RHOBTB2: variants seen among roughly 807,000 people sequenced by gnomAD.
The protein encoded by RHOBTB2 is rho-related BTB domain-containing protein 2.
Under a neutral mutation model 66.5 loss-of-function variants are expected in RHOBTB2, and 39 were observed. The ratio of observed to expected loss-of-function variants is 0.59; its 90% CI spans 0.45 to 0.77. The LOEUF is 0.77. Among genes scored for constraint, RHOBTB2 ranks in the 30% least tolerant of loss-of-function variants. RHOBTB2 has a pLI of 0.00. For synonymous variants in RHOBTB2, 390 were observed against 395.0 expected, an observed-to-expected ratio of 0.99 and a Z score of 0.15; for missense variants, 755 against 999.1, an observed-to-expected ratio of 0.76 and a Z score of 3.29.
Position 23,016,069 on chromosome 8 carries a change from A to G in RHOBTB2, c.1966+326A>G, listed in dbSNP as rs554421111. 3.3e-5 allele frequency among the ~76,000 whole-genome samples: 5 copies of G among 152,360 alleles called. No individual in the cohort carries two copies. In the South Asian group the frequency reaches 8.3e-4, roughly 25 times the overall value. ...ACCCAGGACACATATAGGAAAATAT[A>G]TACATCTTTCTAATGCTGCTCATGG... On this transcript the variant is annotated intron_variant, in intron 9 of 9. Transcript: ENST00000251822.
chr8:23,007,391 G>A lies in RHOBTB2; in HGVS notation c.1146G>A (p.Arg382=), dbSNP rs758143293. The change falls in exon 5 of 10, where the codon AGG becomes AGA. Residue 382 remains arginine, a synonymous_variant. Coordinates refer to ENST00000251822, the MANE Select transcript of RHOBTB2 (RefSeq NM_015178.3). ...ACGGAACAGGGTACCTACCGGGCAGGGGTCGTGTGCTGTCTTCCTGGAGCC... is the reference window on the plus strand; with the variant it reads ...ACGGAACAGGGTACCTACCGGGCAGAGGTCGTGTGCTGTCTTCCTGGAGCC... ...RGNGTGYLPG[R]GRVLSSWSRA... is the part of the protein sequence containing the mutation. 11 of 1,614,038 alleles carry A rather than the reference G, an allele frequency of 6.8e-6. No homozygotes were observed. In the South Asian group the frequency reaches 1.1e-4, roughly 16 times the overall value.
chr8:22,968,620 T>G, the RHOBTB2 span, among the ~76,000 whole-genome samples: 9 of 151,986 alleles, frequency 5.9e-5, no homozygotes, highest in Non-Finnish European at 5.9e-5. Flanking sequence ...TTAATAGTTT[T>G]CCTGTAAAGC....
At chr8:22,962,520 T>C in the RHOBTB2 span, among the ~76,000 whole-genome samples, 8 of 152,208 alleles carry the variant, frequency 5.3e-5, no homozygotes, top group Admixed American at 5.2e-4. Context: ...TTTTACTTTA[T>C]GGGAGAAAGC....
chr8:22,979,934 T>C, the RHOBTB2 span, among the ~76,000 whole-genome samples: 1 of 151,610 alleles, frequency 6.6e-6, no homozygotes, highest in East Asian at 1.9e-4. Flanking sequence ...ATTTTTATAT[T>C]TTTTTAGTAG....
chr8:22,975,371 G>T, the RHOBTB2 span, among the ~76,000 whole-genome samples: 1 of 152,172 alleles, frequency 6.6e-6, no homozygotes, highest in African/African-American at 2.4e-5. Flanking sequence ...TTTGGTGGGA[G>T]TTTGTCACAC....
chr8:23,008,750 G>C (rs1811046706), intron 6 of RHOBTB2, among the ~76,000 whole-genome samples: 1 of 152,132 alleles, frequency 6.6e-6, no homozygotes, highest in Admixed American at 6.5e-5. Flanking sequence ...GGTTGAGCAG[G>C]TTTAGGATTA....
intron 8 of RHOBTB2, 99 bp downstream of exon 8, chr8:23,014,877 A>G: frequency 1.1e-6 from 1 of 939,740 alleles, no homozygotes; most frequent in Admixed American, 2.0e-5. Flanking sequence ...TCTATGCGGG[A>G]GAACCTGTCA....
At chr8:22,995,877 A>T (rs1474223707), upstream of RHOBTB2, 1 of 1,551,548 alleles carries the variant, frequency 6.4e-7, no homozygotes, top group South Asian at 1.2e-5. Flanking sequence ...GTGCCATGAA[A>T]GCGCGGTTAG....
At chr8:22,990,470 C>T (rs1485447282) in intron 1 of RHOBTB2, among the ~76,000 whole-genome samples, 1 of 152,208 alleles carries the variant, frequency 6.6e-6, no homozygotes, top group Admixed American at 6.5e-5. Flanking sequence ...CTCAGTTCTG[C>T]ATCTGTGAAG....
At chr8:22,995,447 T>A (rs891238344), upstream of RHOBTB2, among the ~76,000 whole-genome samples, 3 of 152,172 alleles carry the variant, frequency 2.0e-5, no homozygotes, top group Non-Finnish European at 4.4e-5. Context: ...CTTTGTCAAG[T>A]GTAAGAAAGT....
chr8:22,979,948 C>T, the RHOBTB2 span, among the ~76,000 whole-genome samples: 119 of 151,744 alleles, frequency 7.8e-4, 1 homozygote, highest in African/African-American at 2.0e-3. Context: ...TTAGTAGAGA[C>T]GGGGTTTCAC....
At position 22,999,635 on chromosome 8, in the gene RHOBTB2, CT is replaced by C. The variant is rs933705715; in HGVS notation, c.-480del. The C allele has an allele frequency of 2.4e-6, 3 of 1,245,220 alleles. No individual in the cohort carries two copies. Among genetic ancestry groups the C allele is most frequent in the African/African-American group, 3.3e-5 (2 of 60,356 alleles). The allele number at this position is 1,245,220 out of a possible 1,614,324, so 77.1% of individuals were successfully genotyped here. On this transcript the variant is annotated 5_prime_UTR_variant, in exon 1 of 10. Transcript: ENST00000251822. ...TTTTTTTCTTTTCTTTTTTTTTTCC[CT>C]ATCCTTTTTTTGTGAATGAAAAAAG... is the stretch of plus-strand genomic sequence containing the variant.
At chr8:22,982,910 C>T (rs1378759286), upstream of RHOBTB2, among the ~76,000 whole-genome samples, 1 of 152,226 alleles carries the variant, frequency 6.6e-6, no homozygotes, top group Non-Finnish European at 1.5e-5. Context: ...CCTCTCAGGG[C>T]AGAAGGGCCG....
the RHOBTB2 span, among the ~76,000 whole-genome samples, chr8:22,973,866 T>A: frequency 4.6e-5 from 7 of 152,132 alleles, no homozygotes; most frequent in African/African-American, 1.7e-4. Flanking sequence ...AGCAGCAGCC[T>A]GCCCCACCGG....
upstream of RHOBTB2, among the ~76,000 whole-genome samples, chr8:22,999,347 A>C (rs1005278964): frequency 2.0e-5 from 3 of 151,528 alleles, no homozygotes; most frequent in African/African-American, 7.3e-5. Context: ...GCGCCTCGCC[A>C]GGTGGAGGGA....
the RHOBTB2 span, among the ~76,000 whole-genome samples, chr8:22,955,327 T>C: frequency 0.013 from 1,996 of 152,200 alleles, 43 homozygotes; most frequent in African/African-American, 0.044. Flanking sequence ...TGCACCGCCT[T>C]TCGGAAGAGC....
chr8:23,008,419 G>A (rs1322072329), intron 6 of RHOBTB2, among the ~76,000 whole-genome samples: 1 of 152,196 alleles, frequency 6.6e-6, no homozygotes, highest in Non-Finnish European at 1.5e-5. Flanking sequence ...CCCCTGAGAA[G>A]TTAAGTGACT....
rs780391093 is a variant in RHOBTB2, at chr8:23,006,837, G to A, written c.592G>A (p.Asp198Asn). Residue 198 changes from aspartate (D) to asparagine (N), a missense_variant, in exon 5 of 10, where the codon GAC (aspartate) becomes AAC (asparagine). By Grantham distance (23) the Asp-to-Asn change is conservative. This residue lies in a region of RHOBTB2 where 35 missense variants were observed against 38.1 expected (regional missense o/e 0.92). Coordinates refer to ENST00000251822, the MANE Select transcript of RHOBTB2 (RefSeq NM_015178.3). The surrounding 1 kb of genome is among the most constrained non-coding windows in gnomAD (Gnocchi z 6.1). ...CGTGGTGGCCCAGTTCGGCATCAAG[G>A]ACGTCTTTGACAACGCCATCCGAGC... ...TSVVAQFGIKDVFDNAIRAAL... is the reference protein window; with the variant it reads ...TSVVAQFGIKNVFDNAIRAAL... The A allele has an allele frequency of 7.4e-6, 12 of 1,614,094 alleles. No homozygotes were observed. The highest frequency in any genetic ancestry group is 1.0e-5 in the Non-Finnish European group (12 of 1,180,012).
chr8:22,978,007 G>C, the RHOBTB2 span: 11 of 152,018 alleles, frequency 7.2e-5, no homozygotes, highest in African/African-American at 2.4e-4. Context: ...GTGACATCCT[G>C]GGAATGAGGG....
Sources: allele counts gnomAD v4.1 joint callset (sites outside exome capture counted in the v4.1 genomes callset), GRCh38; gene constraint gnomAD v4.1.1; regional missense constraint gnomAD v4.1.1; non-coding constraint Gnocchi (gnomAD v3.1); transcripts MANE v1.5; gene names NCBI Gene and HGNC (gene_info 2026-07-23, HGNC 2026-07-21).